The following YIPF1 variants were observed in gnomAD, a reference collection of about 807,000 sequenced individuals.
YIPF1 encodes protein YIPF1.
A neutral mutation model predicts 37.0 loss-of-function variants in YIPF1; 22 were observed. The ratio of observed to expected loss-of-function variants is 0.59; its 90% confidence interval spans 0.42 to 0.85. YIPF1 has a LOEUF of 0.85. YIPF1 is among the 40% of genes least tolerant of loss of function. The pLI, the probability that YIPF1 is intolerant of heterozygous loss-of-function variation, is 0.00. For missense variants in YIPF1, 355 were observed against 373.1 expected (o/e 0.95, Z 0.40); for synonymous variants, 128 against 131.9 (o/e 0.97, Z 0.21).
At chr1:53,886,843 A>C (rs1396467304) in intron 3 of YIPF1, 1 of 151,904 alleles carries the variant, frequency 6.6e-6, no homozygotes, top group Non-Finnish European at 1.5e-5. Flanking sequence ...TAATGAGGAG[A>C]GATTTGAACA....
intron 5 of YIPF1, 40 bp downstream of exon 5, chr1:53,878,602 C>T (rs753118780): frequency 6.3e-7 from 1 of 1,584,906 alleles, no homozygotes; most frequent in Non-Finnish European, 8.6e-7. Context: ...AAACAAGTCT[C>T]CTTTACCCGT....
At chr1:53,872,040 TTTTC>T (rs1290834086) in intron 6 of YIPF1, among the ~76,000 whole-genome samples, 1 of 150,286 alleles carries the variant, frequency 6.7e-6, no homozygotes, top group East Asian at 1.9e-4. Flanking sequence ...GCTTAAGGCT[TTTTC>T]TTTTTTTTTT....
intron 4 of YIPF1, among the ~76,000 whole-genome samples, chr1:53,880,364 G>A (rs185644654): frequency 6.6e-6 from 1 of 152,100 alleles, no homozygotes; most frequent in African/African-American, 2.4e-5. Context: ...GGGAAGTAAA[G>A]GACCTCTTCA....
rs576572458 is a variant in YIPF1 at position 53,854,754 on chromosome 1, A to G, written c.*9-2484T>C. On this transcript the variant is annotated intron_variant, in intron 10 of 10. Coordinates refer to ENST00000072644, the MANE Select transcript of YIPF1 (RefSeq NM_018982.5). The stretch of plus-strand genomic sequence containing the variant: ...TAGAACTTCAATGAATGAACAAGTA[A>G]AGATTTCCCAAGTAACCTGCCACAT... 2.0e-5 allele frequency among the ~76,000 whole-genome samples: 3 copies of G among 152,312 alleles called. No homozygotes were observed. In the East Asian group the frequency reaches 5.8e-4, roughly 29 times the overall value.
chr1:53,870,158 C>CTT (rs1415039646), intron 7 of YIPF1, among the ~76,000 whole-genome samples: 1 of 67,450 alleles, frequency 1.5e-5, no homozygotes, highest in Non-Finnish European at 2.7e-5. Flanking sequence ...CGCACCGGGT[C>CTT]TCTTTTTTTT....
At chr1:53,874,904 G>C (rs1650295565) in intron 6 of YIPF1, among the ~76,000 whole-genome samples, 1 of 152,080 alleles carries the variant, frequency 6.6e-6, no homozygotes, top group Non-Finnish European at 1.5e-5. Context: ...AGAATTCCAT[G>C]TATAAATATA....
chr1:53,877,294 T>C (rs1465148671), intron 6 of YIPF1, among the ~76,000 whole-genome samples: 2 of 152,240 alleles, frequency 1.3e-5, no homozygotes, highest in Non-Finnish European at 2.9e-5. Context: ...CCAGGCTCCC[T>C]AGAGTCCATA....
At chr1:53,857,392 T>C (rs1649747032) in intron 10 of YIPF1, among the ~76,000 whole-genome samples, 1 of 151,806 alleles carries the variant, frequency 6.6e-6, no homozygotes, top group Admixed American at 6.6e-5. Flanking sequence ...ATCAAAGGAG[T>C]GTGGAGACTG....
intron 6 of YIPF1, among the ~76,000 whole-genome samples, chr1:53,874,401 T>G (rs1378423370): frequency 6.6e-6 from 1 of 152,240 alleles, no homozygotes; most frequent in African/African-American, 2.4e-5. Context: ...TTTTATATTA[T>G]GAAATATTTC....
At chr1:53,875,781 T>A (rs964939883) in intron 6 of YIPF1, among the ~76,000 whole-genome samples, 1 of 152,208 alleles carries the variant, frequency 6.6e-6, no homozygotes, top group South Asian at 2.1e-4. Flanking sequence ...TTCCCTTAGA[T>A]ATCTACATAA....
intron 3 of YIPF1, among the ~76,000 whole-genome samples, chr1:53,888,219 C>A (rs558483656): frequency 6.6e-6 from 1 of 151,872 alleles, no homozygotes; most frequent in Non-Finnish European, 1.5e-5. Flanking sequence ...GAGTGAGACT[C>A]CATCAAAAGA....
intron 9 of YIPF1, among the ~76,000 whole-genome samples, chr1:53,863,782 C>T (rs1163644858): frequency 6.6e-6 from 1 of 152,148 alleles, no homozygotes; most frequent in Admixed American, 6.5e-5. Context: ...ATCTGTCACC[C>T]AGGCTGGAGT....
At chr1:53,880,287 T>A (rs1285078085) in intron 4 of YIPF1, among the ~76,000 whole-genome samples, 1 of 151,958 alleles carries the variant, frequency 6.6e-6, no homozygotes, top group Non-Finnish European at 1.5e-5. Context: ...AGGGCCAAAT[T>A]ATGAATGAAC....
intron 3 of YIPF1, among the ~76,000 whole-genome samples, chr1:53,888,140 C>T (rs763275519): frequency 6.6e-6 from 1 of 152,082 alleles, no homozygotes; most frequent in Non-Finnish European, 1.5e-5. Context: ...GCAGGAGAAT[C>T]GTCTGAACCC....
intron 6 of YIPF1, among the ~76,000 whole-genome samples, chr1:53,877,914 CAA>C (rs1650374727): frequency 6.6e-6 from 1 of 152,136 alleles, no homozygotes; most frequent in Admixed American, 6.5e-5. Context: ...CTTGGCCTCC[CAA>C]AGTGTTGGGA....
rs568405502 is a variant in YIPF1 at position 53,860,967 on chromosome 1, T to G, written c.832-814A>C. Among the ~76,000 whole-genome samples, 3 of 152,346 alleles carry G rather than the reference T, an allele frequency of 2.0e-5. No homozygotes were observed. In the East Asian group the frequency reaches 5.8e-4, roughly 29 times the overall value. Reference sequence around the variant, plus strand: ...AATCTGTTACTACATCAAGGCTCACTGAATGTTCATGATACCCCCTTGGGG... The same window carrying G: ...AATCTGTTACTACATCAAGGCTCACGGAATGTTCATGATACCCCCTTGGGG... On this transcript the variant is annotated intron_variant, in intron 9 of 10. Coordinates refer to ENST00000072644, the MANE Select transcript of YIPF1 (RefSeq NM_018982.5).
chr1:53,855,078 G>A (rs1416603567), intron 10 of YIPF1: 1 of 151,340 alleles, frequency 6.6e-6, no homozygotes, highest in Non-Finnish European at 1.5e-5. Context: ...AAATTGCCAA[G>A]TAGACAAGGC....
At chr1:53,862,273 T>A (rs1198505442) in intron 9 of YIPF1, among the ~76,000 whole-genome samples, 1 of 152,166 alleles carries the variant, frequency 6.6e-6, no homozygotes. Flanking sequence ...AGGATTTCAA[T>A]CCAGTCGAGT....
intron 4 of YIPF1, among the ~76,000 whole-genome samples, chr1:53,879,388 C>G (rs754967005): frequency 6.6e-6 from 1 of 152,120 alleles, no homozygotes; most frequent in African/African-American, 2.4e-5. Flanking sequence ...GCCACTGCAT[C>G]CAGCAGTGTA....
Sources: gnomAD v4.1 joint callset for allele counts (sites outside exome capture counted in the v4.1 genomes callset) on GRCh38, gnomAD v4.1.1 for gene constraint, MANE v1.5 for transcripts, NCBI Gene and HGNC (gene_info 2026-07-23, HGNC 2026-07-21) for gene names.